The following USPL1 variants were observed in gnomAD, a reference collection of about 807,000 sequenced individuals.
USPL1 encodes ubiquitin specific peptidase like 1, also known as SUMO-specific isopeptidase USPL1.
Under a neutral mutation model 51.5 loss-of-function variants are expected in USPL1, and 27 were observed. The ratio of observed to expected loss-of-function variants is 0.52; its 90% CI spans 0.39 to 0.72. The LOEUF is 0.72. USPL1 is among the 30% of genes least tolerant of loss of function. USPL1 has a pLI of 0.00. For missense variants in USPL1, 1,226 were observed against 1,268.0 expected (o/e 0.97, Z 0.50); for synonymous variants, 451 against 459.6 (o/e 0.98, Z 0.24).
At chr13:30,627,267 G>A (rs190397615) in intron 3 of USPL1, among the ~76,000 whole-genome samples, 3 of 151,798 alleles carry the variant, frequency 2.0e-5, no homozygotes, top group East Asian at 1.9e-4. Flanking sequence ...AAACAAGTCA[G>A]GTATACAGAG....
chr13:30,658,629 TGGAAAA>T lies in USPL1; in HGVS notation c.2554_2559del (p.Glu852_Lys853del), dbSNP rs1951206459. ...CATGCTCATGCTGCTTCAGAAGTTTTGGAAAAGTCTGGAAGCACCTCATGTGGAGCT... is the reference window on the plus strand; with the variant it reads ...CATGCTCATGCTGCTTCAGAAGTTTTGTCTGGAAGCACCTCATGTGGAGCT... On this transcript the variant is annotated inframe_deletion, in exon 9 of 9. Transcript: ENST00000255304. 17 of 1,614,204 alleles carry T rather than the reference TGGAAAA, an allele frequency of 1.1e-5. No individual in the cohort carries two copies. In the East Asian group the frequency reaches 3.8e-4, roughly 36 times the overall value.
chr13:30,656,443 G>A (rs1951165036), intron 8 of USPL1, among the ~76,000 whole-genome samples: 1 of 152,128 alleles, frequency 6.6e-6, no homozygotes, highest in Non-Finnish European at 1.5e-5. Flanking sequence ...ATACCTCATA[G>A]AAGTGGAATC....
At position 30,630,871 on chromosome 13, in the gene USPL1, C is replaced by T. The variant is rs1950794053; in HGVS notation, c.265C>T (p.Leu89=). ...YPLGSKSLNN[L]ISPDLEECHT... is the part of the protein sequence containing the mutation. Reference sequence around the variant, plus strand: ...TTTGGGCTCTAAATCACTTAATAACCTAATTTCTCCTGATTTGGAAGAATG... The same window carrying T: ...TTTGGGCTCTAAATCACTTAATAACTTAATTTCTCCTGATTTGGAAGAATG... Residue 89 remains leucine (L), a synonymous_variant, in exon 4 of 9, where the codon CTA becomes TTA. Coordinates refer to ENST00000255304, the MANE Select transcript of USPL1 (RefSeq NM_005800.5). 3 of 1,612,424 alleles carry T rather than the reference C, an allele frequency of 1.9e-6. No homozygotes were observed. Among genetic ancestry groups the T allele is most frequent in the Non-Finnish European group, 2.5e-6 (3 of 1,179,456 alleles).
At chr13:30,641,906 AT>A (rs779288804) in intron 5 of USPL1, among the ~76,000 whole-genome samples, 1,699 of 141,234 alleles carry the variant, frequency 0.012, 6 homozygotes, top group African/African-American at 0.018. Context: ...CATTTCCATA[AT>A]TTTTTTTTTT....
chr13:30,651,834 G>A (rs542826909), intron 7 of USPL1, among the ~76,000 whole-genome samples: 154 of 152,214 alleles, frequency 1.0e-3, no homozygotes, highest in South Asian at 2.9e-3. Context: ...GCGCATGCCT[G>A]TAATCCAGCT....
chr13:30,652,566 A>C (rs1285142077), intron 7 of USPL1, among the ~76,000 whole-genome samples: 1 of 152,248 alleles, frequency 6.6e-6, no homozygotes, highest in African/African-American at 2.4e-5. Flanking sequence ...TCTTGAAGTT[A>C]ATAATAAATT....
chr13:30,625,449 T>G (rs913632094), intron 3 of USPL1, among the ~76,000 whole-genome samples: 11 of 145,024 alleles, frequency 7.6e-5, no homozygotes, highest in South Asian at 2.2e-4. Context: ...TTTTTGTTTT[T>G]TTTTTTTTTT....
intron 1 of USPL1, among the ~76,000 whole-genome samples, chr13:30,620,625 A>G (rs1950634367): frequency 6.6e-6 from 1 of 152,246 alleles, no homozygotes; most frequent in Non-Finnish European, 1.5e-5. Flanking sequence ...AGTTGAAAAC[A>G]ATAGGAATGT....
At position 30,657,941 on chromosome 13, in the gene USPL1, A is replaced by T. The variant is rs770544261; in HGVS notation, c.1864A>T (p.Thr622Ser). ...AGCAGAAAATACAGGAATTCTCAAA[A>T]CCAATACTTTGCTATCACAAGAATC... Reference protein sequence around the residue: ...PVAENTGILKTNTLLSQESLM... With the variant: ...PVAENTGILKSNTLLSQESLM... The change falls in exon 9 of 9, where the codon ACC becomes TCC. Residue 622 changes from threonine to serine, a missense_variant. Transcript: ENST00000255304. The T allele has an allele frequency of 6.2e-7, 1 of 1,613,762 alleles. No individual in the cohort carries two copies. Among genetic ancestry groups the T allele is most frequent in the South Asian group, 1.1e-5 (1 of 91,080 alleles).
intron 8 of USPL1, among the ~76,000 whole-genome samples, chr13:30,657,090 A>T (rs1036744896): frequency 6.6e-6 from 1 of 152,146 alleles, no homozygotes; most frequent in Non-Finnish European, 1.5e-5. Flanking sequence ...CTAGTTTTTA[A>T]ACTCTTCCCT....
rs564611246 is a variant in USPL1, at chr13:30,660,314, G to A, written c.*958G>A. ...TCATGGCTTCCAGGCTTACCCCCCTGCTTTGATCTGAGAGCTGGTGCCAAT... is the reference window on the plus strand; with the variant it reads ...TCATGGCTTCCAGGCTTACCCCCCTACTTTGATCTGAGAGCTGGTGCCAAT... On this transcript the variant is annotated 3_prime_UTR_variant, in exon 9 of 9. Coordinates refer to ENST00000255304, the MANE Select transcript of USPL1 (RefSeq NM_005800.5). The A allele has an allele frequency of 6.5e-4, 99 of 152,412 alleles. No individual in the cohort carries two copies. The highest frequency in any genetic ancestry group is 2.3e-3 in the African/African-American group (96 of 41,580). 9.4% of individuals were successfully genotyped at this position (152,412 alleles called of 1,614,324 possible). A position where few individuals can be genotyped will look rare whatever the true frequency, so the allele number is the denominator to read the frequency against.
At chr13:30,620,574 T>G (rs1364619411) in intron 1 of USPL1, among the ~76,000 whole-genome samples, 1 of 152,244 alleles carries the variant, frequency 6.6e-6, no homozygotes, top group African/African-American at 2.4e-5. Flanking sequence ...CAGCTTTTAA[T>G]AAGTAGTATT....
rs9578190 is a variant in USPL1, at chr13:30,658,293, C to G, written c.2216C>G (p.Ser739Cys). 11,626 of 1,613,906 alleles carry G rather than the reference C, an allele frequency of 7.2e-3. 684 individuals are homozygous for G. The African/African-American group carries it at 0.13, about 18-fold the overall frequency. Reference sequence around the variant, plus strand: ...ACAGCAGATTCTCAAACCACAACATCTAAGTCATTACAGAATCAGTCTCTG... The same window carrying G: ...ACAGCAGATTCTCAAACCACAACATGTAAGTCATTACAGAATCAGTCTCTG... ...ETTADSQTTT[S>C]KSLQNQSLKE... The change falls in exon 9 of 9, where the codon TCT (serine) becomes TGT (cysteine). Residue 739 changes from serine (S) to cysteine (C), a missense_variant. Ser to Cys is a moderately radical substitution (Grantham distance 112). Transcript: ENST00000255304.
At chr13:30,631,555 C>T in intron 4 of USPL1, 81 bp downstream of exon 4, 27 of 1,363,768 alleles carry the variant, frequency 2.0e-5, no homozygotes, top group Non-Finnish European at 2.6e-5. Flanking sequence ...GGCTGGAGTG[C>T]AGTGGCATGA....
In USPL1 at chr13:30,658,227, G is replaced by A. The variant is rs765339082; in HGVS notation, c.2150G>A (p.Arg717His). ...TPKTEQLKPE[R>H]VTSQVSNLKK... ...AAAACTGAACAATTAAAACCAGAAC[G>A]TGTCACATCTCAGGTATCTAATTTG... Residue 717 changes from arginine to histidine, a missense_variant, in exon 9 of 9, where the codon CGT (arginine) becomes CAT (histidine). Physicochemically the swap from Arg to His is conservative, Grantham distance 29 (BLOSUM62 0). Transcript: ENST00000255304. The A allele has an allele frequency of 1.1e-5, 17 of 1,611,972 alleles. No homozygotes were observed. The highest frequency in any genetic ancestry group is 1.7e-4 in the Middle Eastern group (1 of 6,052).
At chr13:30,652,214 G>A (rs1225441924) in intron 7 of USPL1, among the ~76,000 whole-genome samples, 1 of 152,316 alleles carries the variant, frequency 6.6e-6, no homozygotes, top group East Asian at 1.9e-4. Context: ...AAAGTTTAGT[G>A]TTATAGACAG....
chr13:30,634,376 A>G (rs1171919492), intron 4 of USPL1, among the ~76,000 whole-genome samples: 1 of 152,174 alleles, frequency 6.6e-6, no homozygotes, highest in Non-Finnish European at 1.5e-5. Flanking sequence ...TGTTTCTGGA[A>G]TTTTCCGCTT....
At chr13:30,652,198 A>G (rs1453333718) in intron 7 of USPL1, among the ~76,000 whole-genome samples, 1 of 152,204 alleles carries the variant, frequency 6.6e-6, no homozygotes, top group Non-Finnish European at 1.5e-5. Context: ...GATTTTTTAA[A>G]GTGGGAAAGT....
intron 1 of USPL1, among the ~76,000 whole-genome samples, chr13:30,618,606 T>G (rs1217199410): frequency 6.6e-6 from 1 of 152,168 alleles, no homozygotes; most frequent in African/African-American, 2.4e-5. Flanking sequence ...TTTAATTGAA[T>G]ACTTTTTGCG....
Sources: gnomAD v4.1 joint callset for allele counts (sites outside exome capture counted in the v4.1 genomes callset) on GRCh38, gnomAD v4.1.1 for gene constraint, MANE v1.5 for transcripts, NCBI Gene and HGNC (gene_info 2026-07-23, HGNC 2026-07-21) for gene names.